RTN3: variants seen among roughly 807,000 people sequenced by gnomAD.
RTN3 encodes reticulon 3.
RTN3 carries 49 observed loss-of-function variants against 77.8 expected under a neutral mutation model. The observed-to-expected ratio is 0.63, with a 90% CI of 0.50 to 0.80. RTN3 has a LOEUF of 0.80. Among genes scored for constraint, RTN3 ranks in the 30% least tolerant of loss-of-function variants. The pLI is 0.00. For missense variants in RTN3, 1,236 were observed against 1,211.9 expected, an observed-to-expected ratio of 1.02 and a Z score of -0.29; for synonymous variants, 464 against 446.9, an observed-to-expected ratio of 1.04 and a Z score of -0.48.
chr11:63,742,268 C>T (rs1049888123), intron 3 of RTN3, among the ~76,000 whole-genome samples: 6 of 151,176 alleles, frequency 4.0e-5, no homozygotes, highest in East Asian at 2.0e-4. Context: ...CATGAGCCAC[C>T]GCGCCTTGCC....
At chr11:63,689,197 G>T (rs538348665) in intron 1 of RTN3, among the ~76,000 whole-genome samples, 1 of 152,022 alleles carries the variant, frequency 6.6e-6, no homozygotes, top group African/African-American at 2.4e-5. Flanking sequence ...TCTAATTTTG[G>T]TATATGTGCT....
intron 3 of RTN3, among the ~76,000 whole-genome samples, chr11:63,741,931 G>C (rs756673806): frequency 6.6e-6 from 1 of 151,648 alleles, no homozygotes; most frequent in Non-Finnish European, 1.5e-5. Flanking sequence ...TTTAAAATCA[G>C]GTCATGTTAA....
chr11:63,740,093 G>T (rs186598295), intron 3 of RTN3, among the ~76,000 whole-genome samples: 98 of 152,146 alleles, frequency 6.4e-4, no homozygotes, highest in Admixed American at 1.3e-3. Flanking sequence ...ATGTTGGTCT[G>T]GTCTGCCCCA....
chr11:63,749,946 G>C, intron 3 of RTN3, 45 bp from the exon 4 acceptor site: 1 of 1,353,468 alleles, frequency 7.4e-7, no homozygotes, highest in East Asian at 2.3e-5. Flanking sequence ...AGACATAGTA[G>C]CTGTGGATGT....
At chr11:63,690,457 GC>G (rs1297721471) in intron 1 of RTN3, among the ~76,000 whole-genome samples, 2 of 152,136 alleles carry the variant, frequency 1.3e-5, no homozygotes, top group Non-Finnish European at 2.9e-5. Context: ...TCCTCTAGAG[GC>G]CATATTCTAT....
chr11:63,697,555 A>G (rs1476887910), intron 1 of RTN3, among the ~76,000 whole-genome samples: 1 of 151,962 alleles, frequency 6.6e-6, no homozygotes, highest in Non-Finnish European at 1.5e-5. Context: ...GGCTCACTGC[A>G]ACCTCTGCCT....
chr11:63,743,144 G>T (rs534460444), intron 3 of RTN3, among the ~76,000 whole-genome samples: 21 of 152,154 alleles, frequency 1.4e-4, no homozygotes, highest in Admixed American at 1.2e-3. Flanking sequence ...CTGGTGATCC[G>T]CCTGCCTTGG....
intron 3 of RTN3, among the ~76,000 whole-genome samples, chr11:63,733,211 T>C: frequency 6.6e-6 from 1 of 151,850 alleles, no homozygotes; most frequent in South Asian, 2.1e-4. Context: ...CCCAGCACTT[T>C]GGGAGGACCG....
At chr11:63,721,388 C>CA (rs1418661672) in intron 3 of RTN3, among the ~76,000 whole-genome samples, 1 of 152,058 alleles carries the variant, frequency 6.6e-6, no homozygotes, top group Non-Finnish European at 1.5e-5. Context: ...TCCTGGCTAA[C>CA]ACGGTGAAAC....
chr11:63,724,508 T>TTTTA (rs1555075308), intron 3 of RTN3, among the ~76,000 whole-genome samples: 3 of 123,472 alleles, frequency 2.4e-5, no homozygotes, highest in African/African-American at 1.0e-4. Flanking sequence ...TTTTTTTTTT[T>TTTTA]AAAGACAGAG....
chr11:63,729,289 T>A (rs1226972563), intron 3 of RTN3, among the ~76,000 whole-genome samples: 1 of 152,008 alleles, frequency 6.6e-6, no homozygotes, highest in Non-Finnish European at 1.5e-5. Flanking sequence ...GAAAGGCTTA[T>A]TTTTTTCCTC....
chr11:63,740,029 T>G (rs1459701882), intron 3 of RTN3, among the ~76,000 whole-genome samples: 1 of 152,128 alleles, frequency 6.6e-6, no homozygotes, highest in Admixed American at 6.5e-5. Flanking sequence ...TCCCTTCTGT[T>G]TCCGTAGCTT....
chr11:63,748,131 G>C (rs531863766), intron 3 of RTN3, among the ~76,000 whole-genome samples: 21 of 151,404 alleles, frequency 1.4e-4, no homozygotes, highest in Non-Finnish European at 1.5e-4. Context: ...TGGCCAATAT[G>C]GTGAAACCCT....
chr11:63,733,896 GA>G (rs112000279), intron 3 of RTN3, among the ~76,000 whole-genome samples: 13 of 143,198 alleles, frequency 9.1e-5, no homozygotes, highest in African/African-American at 2.6e-4. Flanking sequence ...GCCTCAAAAA[GA>G]AAAAAAAACA....
rs556978983 is a variant in RTN3 at position 63,753,062 on chromosome 11, T to C, written c.2878-7T>C. 1 of 1,613,868 alleles carries C rather than the reference T, an allele frequency of 6.2e-7. No homozygotes were observed. The highest frequency in any genetic ancestry group is 1.1e-5 in the South Asian group (1 of 91,034). On this transcript the variant is annotated splice_polypyrimidine_tract_variant and splice_region_variant and intron_variant, in intron 5 of 8. Transcript: ENST00000377819. ...TTCCTGCTTAACTTTTGATATGGCC[T>C]TCACAGCTGGCTGTCTTCATGTGGC... is the stretch of plus-strand genomic sequence containing the variant.
At position 63,711,583 on chromosome 11, in the gene RTN3, G is replaced by T. The variant is rs2011162229; in HGVS notation, c.199+6676G>T. Among the ~76,000 whole-genome samples, 4 of 151,798 alleles carry T rather than the reference G, an allele frequency of 2.6e-5. No individual in the cohort carries two copies. In the South Asian group the frequency reaches 8.3e-4, roughly 32 times the overall value. On this transcript the variant is annotated intron_variant, in intron 2 of 8. Transcript: ENST00000377819. Reference sequence around the variant, plus strand: ...TTAAAACAAAAAATTTTATTTTTGAGACGGAGTTTTCGTTCTTGTTGCCCA... The same window carrying T: ...TTAAAACAAAAAATTTTATTTTTGATACGGAGTTTTCGTTCTTGTTGCCCA...
At chr11:63,696,666 C>T (rs1941958798) in intron 1 of RTN3, among the ~76,000 whole-genome samples, 1 of 150,136 alleles carries the variant, frequency 6.7e-6, no homozygotes, top group Non-Finnish European at 1.5e-5. Context: ...CTGCCTCAGC[C>T]TCCCGAGTAG....
Position 63,718,685 on chromosome 11 carries a change from TGAAA to T in RTN3, c.200-16_200-13del, listed in dbSNP as rs1590830371. 6.6e-6 allele frequency: 10 copies of T among 1,523,434 alleles called. No individual in the cohort carries two copies. Among genetic ancestry groups the T allele is most frequent in the Admixed American group, 4.7e-5 (2 of 42,816 alleles). The allele number at this position is 1,523,434 out of a possible 1,614,324, so 94.4% of individuals were successfully genotyped here. ...GTACCTGGTAAACAATTTTTTTCTTTGAAATTCTGATCATAGAGGGATTGAGCTC... is the reference window on the plus strand; with the variant it reads ...GTACCTGGTAAACAATTTTTTTCTTTTTCTGATCATAGAGGGATTGAGCTC... On this transcript the variant is annotated splice_polypyrimidine_tract_variant and intron_variant, in intron 2 of 8. Transcript: ENST00000377819.
At chr11:63,729,091 C>CAAA (rs934062312) in intron 3 of RTN3, among the ~76,000 whole-genome samples, 8 of 150,994 alleles carry the variant, frequency 5.3e-5, no homozygotes, top group Non-Finnish European at 8.9e-5. Flanking sequence ...ACAAAAAAAA[C>CAAA]AAAAAAACTG....
Sources: gnomAD v4.1 joint callset for allele counts (sites outside exome capture counted in the v4.1 genomes callset) on GRCh38, gnomAD v4.1.1 for gene constraint, MANE v1.5 for transcripts, NCBI Gene and HGNC (gene_info 2026-07-23, HGNC 2026-07-21) for gene names.